Variants in PKIA observed in about 807,000 individuals in gnomAD.
PKIA encodes the protein cAMP-dependent protein kinase inhibitor alpha.
In PKIA, 4 loss-of-function variants were observed where a neutral mutation model predicts 7.6. The observed-to-expected ratio is 0.52, with a 90% CI of 0.26 to 1.20. The LOEUF (loss-of-function observed/expected upper bound fraction) is 1.20, where lower values mean the gene tolerates loss of function less well. Among genes scored for constraint, PKIA ranks in the 50% most tolerant of loss-of-function variants. The pLI, the probability that PKIA is intolerant of heterozygous loss-of-function variation, is 0.13. For synonymous variants in PKIA, 21 were observed against 30.7 expected, an observed-to-expected ratio of 0.68 and a Z score of 1.04; for missense variants, 73 against 86.2, an observed-to-expected ratio of 0.85 and a Z score of 0.61.
chr8:78,533,091 C>T (rs780441114), intron 1 of PKIA, among the ~76,000 whole-genome samples: 2 of 152,066 alleles, frequency 1.3e-5, no homozygotes, highest in Non-Finnish European at 2.9e-5. Context: ...GAACAATGGA[C>T]TCATTTCTGT....
chr8:78,587,758 G>C (rs1807985032), intron 2 of PKIA, among the ~76,000 whole-genome samples: 1 of 152,114 alleles, frequency 6.6e-6, no homozygotes, highest in Non-Finnish European at 1.5e-5. Context: ...AAAATCTTTT[G>C]TTATAATTGT....
At chr8:78,584,780 A>G (rs1252506806) in intron 2 of PKIA, among the ~76,000 whole-genome samples, 1 of 152,170 alleles carries the variant, frequency 6.6e-6, no homozygotes, top group Non-Finnish European at 1.5e-5. Context: ...AGTGCAAACT[A>G]GAAAATATAA....
intron 1 of PKIA, among the ~76,000 whole-genome samples, chr8:78,545,359 C>G (rs1806795040): frequency 6.6e-6 from 1 of 151,480 alleles, no homozygotes; most frequent in Non-Finnish European, 1.5e-5. Flanking sequence ...ATGGCAACCA[C>G]CAAAAATTTC....
chr8:78,564,516 T>A (rs574861088), intron 1 of PKIA, among the ~76,000 whole-genome samples: 2 of 152,162 alleles, frequency 1.3e-5, no homozygotes, highest in Admixed American at 1.3e-4. Flanking sequence ...CATATCACAA[T>A]ATCTTATTTT....
At chr8:78,530,673 A>T (rs1194672664) in intron 1 of PKIA, among the ~76,000 whole-genome samples, 1 of 152,098 alleles carries the variant, frequency 6.6e-6, no homozygotes, top group Non-Finnish European at 1.5e-5. Context: ...TTGCATTGAC[A>T]TAATGCTGAC....
At chr8:78,522,757 T>C (rs1352785937) in intron 1 of PKIA, among the ~76,000 whole-genome samples, 2 of 151,876 alleles carry the variant, frequency 1.3e-5, no homozygotes, top group East Asian at 3.9e-4. Flanking sequence ...GTTTTTAGGG[T>C]TTTTGTTTGT....
rs150366424 is a variant in PKIA, at chr8:78,577,230, T to G, written c.-28+4291T>G. Among the ~76,000 whole-genome samples the G allele has an allele frequency of 4.9e-4, 74 of 152,092 alleles. No individual in the cohort carries two copies. The South Asian group carries it at 7.9e-3, about 16-fold the overall frequency. ...ATTAACTCGTCATTTACATTAGGTA[T>G]ATCTCCTAATGCTATCACTCCCCTA... is the stretch of plus-strand genomic sequence containing the variant. On this transcript the variant is annotated intron_variant, in intron 2 of 3. Transcript: ENST00000396418.
chr8:78,522,441 G>A (rs1273317003), intron 1 of PKIA, among the ~76,000 whole-genome samples: 1 of 151,862 alleles, frequency 6.6e-6, no homozygotes, highest in East Asian at 1.9e-4. Context: ...TCTAGATACT[G>A]TAGTTTATAG....
At chr8:78,519,078 G>A (rs1041966954) in intron 1 of PKIA, among the ~76,000 whole-genome samples, 6 of 151,778 alleles carry the variant, frequency 4.0e-5, no homozygotes, top group Admixed American at 6.6e-5. Context: ...ATGGAAGGAC[G>A]TGCATGATTA....
intron 1 of PKIA, among the ~76,000 whole-genome samples, chr8:78,527,504 G>C (rs908915791): frequency 1.3e-4 from 20 of 152,004 alleles, no homozygotes; most frequent in African/African-American, 4.6e-4. Flanking sequence ...AAAAATCTTT[G>C]TTTCCAGAGC....
intron 1 of PKIA, among the ~76,000 whole-genome samples, chr8:78,520,834 A>C (rs1302793924): frequency 1.3e-5 from 2 of 152,156 alleles, no homozygotes; most frequent in African/African-American, 4.8e-5. Context: ...ATAGTTAAAG[A>C]ACATCTATTT....
chr8:78,556,893 T>C (rs575149817), intron 1 of PKIA, among the ~76,000 whole-genome samples: 2 of 152,282 alleles, frequency 1.3e-5, no homozygotes, highest in South Asian at 2.1e-4. Context: ...GCAGGAACGA[T>C]AGATTTGCCA....
intron 2 of PKIA, among the ~76,000 whole-genome samples, chr8:78,580,187 ATATTGC>A (rs1203703119): frequency 6.6e-6 from 1 of 152,052 alleles, no homozygotes; most frequent in Non-Finnish European, 1.5e-5. Context: ...ATTTTGTCAC[ATATTGC>A]TATAAAATGA....
chr8:78,593,033 C>T (rs1808140794), intron 2 of PKIA, among the ~76,000 whole-genome samples: 1 of 152,140 alleles, frequency 6.6e-6, no homozygotes, highest in Non-Finnish European at 1.5e-5. Context: ...ATCTCTGAGA[C>T]TTATTTTCTC....
rs1390176383 is a variant in PKIA at position 78,524,215 on chromosome 8, AACATTTATATTTATATATAAAT to A, written c.-157+7749_-157+7770del. Among the ~76,000 whole-genome samples the A allele has an allele frequency of 2.4e-3, 316 of 132,808 alleles. 3 individuals are homozygous for A. Among genetic ancestry groups the A allele is most frequent in the African/African-American group, 9.3e-3 (298 of 32,118 alleles). The allele number at this position is 132,808 out of a possible 152,430, so 87.1% of individuals were successfully genotyped here. ...AAACATTTATATTTATATATATATA[AACATTTATATTTATATATAAAT>A]ATATATGTTTTTATATATATGGGTT... On this transcript the variant is annotated intron_variant, in intron 1 of 3. Transcript: ENST00000396418.
chr8:78,558,342 G>A (rs1314555110), intron 1 of PKIA: 1 of 152,164 alleles, frequency 6.6e-6, no homozygotes, highest in Non-Finnish European at 1.5e-5. Flanking sequence ...TCTCACTGTA[G>A]GTAATTGTAT....
chr8:78,521,816 T>C (rs952165811), intron 1 of PKIA, among the ~76,000 whole-genome samples: 1 of 151,958 alleles, frequency 6.6e-6, no homozygotes, highest in African/African-American at 2.4e-5. Flanking sequence ...TTTTCAGAAC[T>C]GTCTCATTAT....
chr8:78,571,714 C>T (rs117609328), intron 1 of PKIA, among the ~76,000 whole-genome samples: 1 of 152,198 alleles, frequency 6.6e-6, no homozygotes, highest in East Asian at 1.9e-4. Flanking sequence ...TCCTTGCTCA[C>T]TTTCCAGGAA....
chr8:78,537,505 G>T (rs182869158), intron 1 of PKIA, among the ~76,000 whole-genome samples: 2 of 152,062 alleles, frequency 1.3e-5, no homozygotes, highest in Non-Finnish European at 2.9e-5. Flanking sequence ...ACCACCAAAA[G>T]TCTTCAATTT....
Sources: allele counts gnomAD v4.1 joint callset (sites outside exome capture counted in the v4.1 genomes callset), GRCh38; gene constraint gnomAD v4.1.1; transcripts MANE v1.5; gene names NCBI Gene and HGNC (gene_info 2026-07-23, HGNC 2026-07-21).